The following CLK3 variants were observed in gnomAD, a reference collection of about 807,000 sequenced individuals.
The protein encoded by CLK3 is dual specificity protein kinase CLK3.
Under a neutral mutation model 65.2 loss-of-function variants are expected in CLK3, and 24 were observed. The observed-to-expected ratio is 0.37, with a 90% CI of 0.27 to 0.52. The LOEUF (loss-of-function observed/expected upper bound fraction) is 0.52, where lower values mean the gene tolerates loss of function less well. Among genes scored for constraint, CLK3 ranks in the 20% least tolerant of loss-of-function variants. The probability of loss-of-function intolerance (pLI) is 0.92; values close to 1 mark genes in which losing one functional copy is unlikely to be tolerated. For missense variants in CLK3, 506 were observed against 660.0 expected, an observed-to-expected ratio of 0.77 and a Z score of 2.56; for synonymous variants, 252 against 240.8, an observed-to-expected ratio of 1.05 and a Z score of -0.43.
upstream of CLK3, among the ~76,000 whole-genome samples, chr15:74,612,217 C>A (rs1030709209): frequency 6.6e-6 from 1 of 152,206 alleles, no homozygotes; most frequent in African/African-American, 2.4e-5. Context: ...GTGTGGAAGT[C>A]TGGAAATGGC....
intron 1 of CLK3, among the ~76,000 whole-genome samples, chr15:74,616,889 C>T (rs956950474): frequency 2.6e-5 from 4 of 152,204 alleles, no homozygotes; most frequent in Non-Finnish European, 5.9e-5. Flanking sequence ...GCTTGGTTTT[C>T]TTCATATCAC....
Position 74,627,218 on chromosome 15 carries a change from A to C in CLK3, c.818-134A>C, listed in dbSNP as rs1425488213. On this transcript the variant is annotated intron_variant, in intron 7 of 12. Transcript: ENST00000395066. This position sits in a 1 kb window ranked among gnomAD's most constrained non-coding sequence, Gnocchi z 4.3. The stretch of plus-strand genomic sequence containing the variant: ...GGAGGCCAGCACAGAGGCAGGCTGT[A>C]GTCCAGCTCCCTGCTGAGGTGGGGG... 5.3e-5 allele frequency: 40 copies of C among 761,650 alleles called. 4 individuals are homozygous for C. In the South Asian group the frequency reaches 5.6e-4, roughly 11 times the overall value. The allele number at this position is 761,650 out of a possible 1,614,324, so 47.2% of individuals were successfully genotyped here. A position where few individuals can be genotyped will look rare whatever the true frequency, so the allele number is the denominator to read the frequency against.
At chr15:74,617,530 G>T (rs2062070065) in intron 1 of CLK3, among the ~76,000 whole-genome samples, 1 of 152,242 alleles carries the variant, frequency 6.6e-6, no homozygotes, top group Non-Finnish European at 1.5e-5. Flanking sequence ...TTTGTTCAAA[G>T]GCACACAGCT....
rs1413959894 is a variant in CLK3, at chr15:74,619,295, A to G, written c.99A>G (p.Arg33=). 3 of 1,614,140 alleles carry G rather than the reference A, an allele frequency of 1.9e-6. No homozygotes were observed. Among genetic ancestry groups the G allele is most frequent in the East Asian group, 4.5e-5 (2 of 44,888 alleles). ...CCTACAGTCGGGAACATGAAGGGAG[A>G]CTGCGATACCCGTCCCGAAGGGAGC... is the stretch of plus-strand genomic sequence containing the variant. ...RRSYSREHEG[R]LRYPSRREPP... The change falls in exon 2 of 13, where the codon AGA becomes AGG. Residue 33 remains arginine, a synonymous_variant. Coordinates refer to ENST00000395066, the MANE Select transcript of CLK3 (RefSeq NM_001130028.2).
chr15:74,616,255 C>T (rs2062059054), intron 1 of CLK3, among the ~76,000 whole-genome samples: 1 of 152,256 alleles, frequency 6.6e-6, no homozygotes, highest in Admixed American at 6.5e-5. Flanking sequence ...CAGGCTTAGT[C>T]CGCAGATGAC....
intron 12 of CLK3, chr15:74,629,436 G>C (rs1254721776): frequency 9.0e-6 from 5 of 556,566 alleles, no homozygotes; most frequent in South Asian, 8.1e-5. Flanking sequence ...TCGCAGAGGT[G>C]ATCTCTACCC....
intron 3 of CLK3, chr15:74,620,567 G>A (rs1486046129): frequency 1.0e-5 from 4 of 391,862 alleles, no homozygotes; most frequent in Non-Finnish European, 1.9e-5. Flanking sequence ...TCCTAGTAGA[G>A]TGGCTGGTAT....
rs756844768 is a variant in CLK3, at chr15:74,615,890, T to C, written c.-9T>C. The C allele has an allele frequency of 8.2e-5, 103 of 1,252,634 alleles. No homozygotes were observed. The highest frequency in any genetic ancestry group is 1.6e-4 in the Admixed American group (4 of 24,610). 77.6% of individuals were successfully genotyped at this position (1,252,634 alleles called of 1,614,324 possible). ...GTGGGGCCTAGCTGCAGCCGGAGCC[T>C]GGGAGACGGTAAGTGTGGGCTGGGG... On this transcript the variant is annotated 5_prime_UTR_variant, in exon 1 of 13. Coordinates refer to ENST00000395066, the MANE Select transcript of CLK3 (RefSeq NM_001130028.2).
intron 1 of CLK3, among the ~76,000 whole-genome samples, chr15:74,618,846 C>T (rs1017997320): frequency 3.3e-5 from 5 of 152,236 alleles, no homozygotes; most frequent in Admixed American, 6.5e-5. Flanking sequence ...GGAGGCTCCC[C>T]TTTCTCCTGC....
At chr15:74,615,686 C>A (rs1444286453), upstream of CLK3, 24 of 1,239,860 alleles carry the variant, frequency 1.9e-5, no homozygotes, top group Non-Finnish European at 2.1e-5. Context: ...TCTCCTAGGC[C>A]GCGGCGCCCG....
chr15:74,615,763 C>T (rs995711179), upstream of CLK3: 2 of 1,240,464 alleles, frequency 1.6e-6, no homozygotes, highest in Admixed American at 4.2e-5. Flanking sequence ...GGCCTCCGAG[C>T]CGGGTCGAGC....
Position 74,624,535 on chromosome 15 carries a change from C to CGTA in CLK3, c.534-367_534-366insGTA. The CGTA allele has an allele frequency of 2.5e-5, 5 of 198,434 alleles. No homozygotes were observed. Among genetic ancestry groups the CGTA allele is most frequent in the Admixed American group, 1.2e-4 (2 of 16,728 alleles). The allele number at this position is 198,434 out of a possible 1,614,324, so 12.3% of individuals were successfully genotyped here. On this transcript the variant is annotated intron_variant, in intron 5 of 12. Coordinates refer to ENST00000395066, the MANE Select transcript of CLK3 (RefSeq NM_001130028.2). This position sits in a 1 kb window ranked among gnomAD's most constrained non-coding sequence, Gnocchi z 4.2. ...GCAGGAGGGTTCTCGGTGGGACAGC[C>CGTA]TGGCCAGGGTTGGGGCTGCCTGGCC... is the stretch of plus-strand genomic sequence containing the variant.
In CLK3 at chr15:74,630,027, A is replaced by G; in HGVS notation, c.*144A>G. The G allele has an allele frequency of 2.7e-6, 2 of 742,260 alleles. No homozygotes were observed. Among genetic ancestry groups the G allele is most frequent in the Non-Finnish European group, 4.3e-6 (2 of 460,102 alleles). The allele number at this position is 742,260 out of a possible 1,614,324, so 46.0% of individuals were successfully genotyped here. On this transcript the variant is annotated 3_prime_UTR_variant, in exon 13 of 13. Coordinates refer to ENST00000395066, the MANE Select transcript of CLK3 (RefSeq NM_001130028.2). ...GGAAGGCAGGAGCCTGCAGGGGAGC[A>G]GACTTGGTGCCCAGCTGCCAGAAAG... is the stretch of plus-strand genomic sequence containing the variant.
chr15:74,615,911 T>G lies in CLK3; in HGVS notation c.-1+13T>G. The G allele has an allele frequency of 8.0e-7, 1 of 1,247,426 alleles. No homozygotes were observed. Among genetic ancestry groups the G allele is most frequent in the African/African-American group, 1.5e-5 (1 of 64,800 alleles). The allele number at this position is 1,247,426 out of a possible 1,614,324, so 77.3% of individuals were successfully genotyped here. A position where few individuals can be genotyped will look rare whatever the true frequency, so the allele number is the denominator to read the frequency against. ...AGCCTGGGAGACGGTAAGTGTGGGCTGGGGTCCGCGGCGGCGACAGCGGCG... is the reference window on the plus strand; with the variant it reads ...AGCCTGGGAGACGGTAAGTGTGGGCGGGGGTCCGCGGCGGCGACAGCGGCG... On this transcript the variant is annotated intron_variant, in intron 1 of 12. Coordinates refer to ENST00000395066, the MANE Select transcript of CLK3 (RefSeq NM_001130028.2).
intron 1 of CLK3, 52 bp downstream of exon 1, chr15:74,615,950 G>A: frequency 1.7e-6 from 2 of 1,208,826 alleles, no homozygotes; most frequent in South Asian, 3.7e-5. Flanking sequence ...GCGGCCGGGG[G>A]TGAGTCGGCG....
intron 1 of CLK3, among the ~76,000 whole-genome samples, chr15:74,616,419 G>T (rs373608891): frequency 2.0e-5 from 3 of 152,266 alleles, no homozygotes; most frequent in Non-Finnish European, 2.9e-5. Context: ...GAACGAGGGC[G>T]CAGGCTCCCC....
chr15:74,612,466 C>T (rs534865813), upstream of CLK3, among the ~76,000 whole-genome samples: 35 of 152,234 alleles, frequency 2.3e-4, no homozygotes, highest in African/African-American at 8.4e-4. Context: ...AGGGTCTGGG[C>T]CCAAGTCCAC....
chr15:74,615,859 C>A lies in CLK3; in HGVS notation c.-40C>A. The A allele has an allele frequency of 2.4e-6, 3 of 1,255,410 alleles. No homozygotes were observed. Among genetic ancestry groups the A allele is most frequent in the South Asian group, 3.2e-5 (1 of 30,992 alleles). The allele number at this position is 1,255,410 out of a possible 1,614,324, so 77.8% of individuals were successfully genotyped here. A position where few individuals can be genotyped will look rare whatever the true frequency, so the allele number is the denominator to read the frequency against. ...CCGGAAGCGGAAGAGGCGCTCGGAG[C>A]GGGGAGTGGGGCCTAGCTGCAGCCG... On this transcript the variant is annotated 5_prime_UTR_variant, in exon 1 of 13. Coordinates refer to ENST00000395066, the MANE Select transcript of CLK3 (RefSeq NM_001130028.2).
chr15:74,618,744 G>C (rs944408000), intron 1 of CLK3, among the ~76,000 whole-genome samples: 1 of 152,196 alleles, frequency 6.6e-6, no homozygotes, highest in African/African-American at 2.4e-5. Context: ...TTGAGCCCTC[G>C]CCTCCTGTGT....
Sources: allele counts gnomAD v4.1 joint callset (sites outside exome capture counted in the v4.1 genomes callset), GRCh38; gene constraint gnomAD v4.1.1; non-coding constraint Gnocchi (gnomAD v3.1); transcripts MANE v1.5; gene names NCBI Gene and HGNC (gene_info 2026-07-23, HGNC 2026-07-21).